The following MSN variants were observed in gnomAD, a reference collection of about 807,000 sequenced individuals.
MSN encodes the protein epididymis luminal protein 70.
MSN carries 2 observed loss-of-function variants against 48.0 expected under a neutral mutation model. The ratio of observed to expected loss-of-function variants is 0.04; its 90% CI spans 0.02 to 0.13. The LOEUF is 0.13. Ranked by LOEUF, MSN falls within the 10% of genes least tolerant of loss-of-function variation. The probability of loss-of-function intolerance (pLI) is 1.00; values close to 1 mark genes in which losing one functional copy is unlikely to be tolerated. For missense variants in MSN, 267 were observed against 470.1 expected (o/e 0.57, Z 3.99); for synonymous variants, 146 against 166.9 (o/e 0.87, Z 0.97).
At chrX:65,651,316 T>TA (rs202012665) in intron 1 of MSN, among the ~76,000 whole-genome samples, 11,961 of 76,916 alleles carry the variant, frequency 0.16, 901 homozygotes, top group African/African-American at 0.25. Flanking sequence ...AGACTCTATC[T>TA]AAAAAAAAAA....
chrX:65,694,366 G>A (rs2147476630), intron 1 of MSN, among the ~76,000 whole-genome samples: 1 of 105,280 alleles, frequency 9.5e-6, no homozygotes, highest in African/African-American at 3.5e-5. Context: ...GTCTCTGTCT[G>A]TCGCCCAGGC....
intron 5 of MSN, 49 bp from the exon 6 acceptor site, chrX:65,731,789 G>A (rs1199559126): frequency 1.9e-5 from 22 of 1,183,682 alleles, no homozygotes; most frequent in Non-Finnish European, 2.4e-5. Context: ...ATCTCCTTGG[G>A]TCTGACTCAC....
intron 1 of MSN, among the ~76,000 whole-genome samples, chrX:65,678,019 G>A (rs1369978396): frequency 9.0e-6 from 1 of 111,307 alleles, no homozygotes; most frequent in Admixed American, 9.5e-5. Flanking sequence ...TCCTAAGGTT[G>A]GGAGTTTTTT....
chrX:65,610,121 A>G (rs2070309169), intron 1 of MSN, among the ~76,000 whole-genome samples: 1 of 111,736 alleles, frequency 8.9e-6, no homozygotes. Context: ...AAATTTTCCA[A>G]CTTAACCATT....
chrX:65,726,984 G>T (rs1208825933), intron 2 of MSN, among the ~76,000 whole-genome samples: 3 of 110,837 alleles, frequency 2.7e-5, no homozygotes, highest in African/African-American at 9.9e-5. Context: ...GTTCAGCCAG[G>T]AGGCTCAGGA....
At chrX:65,686,594 A>AC (rs1175310882) in intron 1 of MSN, among the ~76,000 whole-genome samples, 1 of 112,416 alleles carries the variant, frequency 8.9e-6, no homozygotes, top group Non-Finnish European at 1.9e-5. Context: ...GTGGATCCAA[A>AC]GTATCTCCAG....
intron 1 of MSN, among the ~76,000 whole-genome samples, chrX:65,601,144 T>C (rs2070231821): frequency 8.9e-6 from 1 of 112,219 alleles, no homozygotes; most frequent in Non-Finnish European, 1.9e-5. Context: ...TTGTGATAGC[T>C]CAGGTTCAGA....
chrX:65,640,331 G>T (rs937167682), intron 1 of MSN, among the ~76,000 whole-genome samples: 2 of 111,506 alleles, frequency 1.8e-5, no homozygotes, highest in Non-Finnish European at 3.8e-5. Context: ...ATGAGGTCAG[G>T]AGTTTGAGAC....
chrX:65,650,723 G>A (rs1246504344), intron 1 of MSN, among the ~76,000 whole-genome samples: 4 of 112,383 alleles, frequency 3.6e-5, no homozygotes, highest in Admixed American at 9.4e-5. Context: ...CATGTGTCCC[G>A]TAACAAATTA....
upstream of MSN, among the ~76,000 whole-genome samples, chrX:65,663,587 T>C (rs1220914359): frequency 8.9e-6 from 1 of 111,898 alleles, no homozygotes; most frequent in Non-Finnish European, 1.9e-5. Flanking sequence ...GCTACATTTG[T>C]TCCAGCATTC....
chrX:65,592,878 T>C (rs1302127624), intron 1 of MSN, among the ~76,000 whole-genome samples: 1 of 110,189 alleles, frequency 9.1e-6, no homozygotes, highest in Non-Finnish European at 1.9e-5. Context: ...TCGTCTCTAC[T>C]GAAAATACAA....
intron 1 of MSN, among the ~76,000 whole-genome samples, chrX:65,660,816 C>T (rs1213476945): frequency 3.6e-5 from 4 of 111,591 alleles, no homozygotes; most frequent in South Asian, 7.4e-4. Context: ...CCGCCCACCT[C>T]GGCCTCCCAA....
At chrX:65,721,399 G>A (rs1297640101) in intron 2 of MSN, among the ~76,000 whole-genome samples, 2 of 112,056 alleles carry the variant, frequency 1.8e-5, no homozygotes, top group African/African-American at 6.5e-5. Context: ...AAAATGCCTG[G>A]TGCATACCAA....
chrX:65,716,939 A>G (rs185569614), intron 2 of MSN, 38 bp downstream of exon 2: 734 of 1,104,936 alleles, frequency 6.6e-4, no homozygotes, highest in Non-Finnish European at 7.4e-4. Flanking sequence ...TCCTTCTCTG[A>G]ATAGCTTCCA....
chrX:65,655,483 C>G (rs1180694393), intron 1 of MSN, among the ~76,000 whole-genome samples: 1 of 112,327 alleles, frequency 8.9e-6, no homozygotes, highest in Non-Finnish European at 1.9e-5. Flanking sequence ...ATTTTCTCTT[C>G]AACCTCCCAG....
At chrX:65,623,695 C>T (rs1238567247) in intron 1 of MSN, among the ~76,000 whole-genome samples, 1 of 109,143 alleles carries the variant, frequency 9.2e-6, no homozygotes, top group Non-Finnish European at 1.9e-5. Context: ...ACCTGTAATC[C>T]CAGCTACTTG....
chrX:65,652,684 C>T (rs1277116734), intron 1 of MSN, among the ~76,000 whole-genome samples: 1 of 111,717 alleles, frequency 9.0e-6, no homozygotes, highest in Non-Finnish European at 1.9e-5. Context: ...TATTAACTTG[C>T]TTGATTCTTA....
At chrX:65,730,049 CT>C (rs1298194406) in intron 4 of MSN, among the ~76,000 whole-genome samples, 1 of 111,862 alleles carries the variant, frequency 8.9e-6, no homozygotes. Flanking sequence ...TGATTTAGAT[CT>C]CTTATATCAG....
intron 1 of MSN, among the ~76,000 whole-genome samples, chrX:65,713,241 G>A (rs1045303801): frequency 9.0e-6 from 1 of 111,244 alleles, no homozygotes; most frequent in Non-Finnish European, 1.9e-5. Context: ...TCTAGTGCCC[G>A]TGAAATCATG....
Sources: gnomAD v4.1 joint callset for allele counts (sites outside exome capture counted in the v4.1 genomes callset) on GRCh38, gnomAD v4.1.1 for gene constraint, MANE v1.5 for transcripts, NCBI Gene and HGNC (gene_info 2026-07-23, HGNC 2026-07-21) for gene names.